The following KCNH7 variants were observed in gnomAD, a reference collection of about 807,000 sequenced individuals.
KCNH7 encodes the protein voltage-gated inwardly rectifying potassium channel KCNH7.
Under a neutral mutation model 120.8 loss-of-function variants are expected in KCNH7, and 49 were observed. The ratio of observed to expected loss-of-function variants is 0.41; its 90% confidence interval spans 0.32 to 0.51. The LOEUF (loss-of-function observed/expected upper bound fraction) is 0.51, where lower values mean the gene tolerates loss of function less well. KCNH7 is among the 20% of genes least tolerant of loss of function. The pLI, the probability that KCNH7 is intolerant of heterozygous loss-of-function variation, is 0.38. For missense variants in KCNH7, 1,097 were observed against 1,446.6 expected (o/e 0.76, Z 3.92); for synonymous variants, 547 against 516.1 (o/e 1.06, Z -0.81).
chr2:162,748,876 C>CCCCT (rs1202806887), intron 2 of KCNH7, among the ~76,000 whole-genome samples: 7 of 76,250 alleles, frequency 9.2e-5, no homozygotes, highest in African/African-American at 3.8e-4. Context: ...CCTCCCCCTT[C>CCCCT]CCCTCCCTCC....
intron 2 of KCNH7, among the ~76,000 whole-genome samples, chr2:162,654,356 C>CAA (rs199647181): frequency 6.7e-6 from 1 of 148,716 alleles, no homozygotes; most frequent in Non-Finnish European, 1.5e-5. Context: ...AGAAATTACT[C>CAA]AAAAAAAAAC....
chr2:162,500,377 T>TTATATAC (rs1282369299), intron 6 of KCNH7, among the ~76,000 whole-genome samples: 1 of 145,342 alleles, frequency 6.9e-6, no homozygotes, highest in Non-Finnish European at 1.5e-5. Context: ...AATGTATATA[T>TTATATAC]TATATATAAT....
chr2:162,422,563 C>A (rs12469119), intron 9 of KCNH7, among the ~76,000 whole-genome samples: 3,121 of 151,950 alleles, frequency 0.021, 211 homozygotes, highest in Admixed American at 0.15. Context: ...GCCTTTAGAG[C>A]CAAATTGCAA....
intron 2 of KCNH7, among the ~76,000 whole-genome samples, chr2:162,726,188 A>G (rs940999156): frequency 1.3e-5 from 2 of 152,000 alleles, no homozygotes; most frequent in East Asian, 1.9e-4. Flanking sequence ...TTCTTTTTAT[A>G]TATTTTAAAC....
intron 2 of KCNH7, among the ~76,000 whole-genome samples, chr2:162,794,640 C>T (rs1214251652): frequency 6.6e-6 from 1 of 151,932 alleles, no homozygotes; most frequent in Non-Finnish European, 1.5e-5. Context: ...AAACCTATTC[C>T]TATTGCTCAT....
chr2:162,420,278 A>G (rs1687660373), intron 9 of KCNH7, among the ~76,000 whole-genome samples: 1 of 152,180 alleles, frequency 6.6e-6, no homozygotes, highest in South Asian at 2.1e-4. Flanking sequence ...CAGGAGGCTG[A>G]GGCAGGAGAA....
At chr2:162,715,655 T>C (rs1687093321) in intron 2 of KCNH7, among the ~76,000 whole-genome samples, 2 of 152,176 alleles carry the variant, frequency 1.3e-5, no homozygotes, top group African/African-American at 4.8e-5. Context: ...ACAGAAGCAG[T>C]GTCTTGGAAA....
intron 2 of KCNH7, among the ~76,000 whole-genome samples, chr2:162,761,713 T>C (rs181595253): frequency 1.8e-4 from 27 of 152,168 alleles, no homozygotes; most frequent in Admixed American, 2.6e-4. Context: ...TCTGGCAATG[T>C]TTACCTATCA....
At chr2:162,779,549 C>A (rs1683397097) in intron 2 of KCNH7, among the ~76,000 whole-genome samples, 1 of 152,178 alleles carries the variant, frequency 6.6e-6, no homozygotes, top group Admixed American at 6.6e-5. Flanking sequence ...ATATTATACT[C>A]TTTCCTATCC....
intron 9 of KCNH7, among the ~76,000 whole-genome samples, chr2:162,408,847 C>G (rs1162445413): frequency 6.6e-6 from 1 of 151,388 alleles, no homozygotes; most frequent in Non-Finnish European, 1.5e-5. Context: ...AAAAGGAGTG[C>G]TTAGAAATTA....
chr2:162,637,664 G>A (rs1405063130), intron 2 of KCNH7, among the ~76,000 whole-genome samples: 5 of 151,988 alleles, frequency 3.3e-5, no homozygotes, highest in African/African-American at 1.2e-4. Context: ...GTCATTCCAT[G>A]ATGTAGACGT....
At chr2:162,686,451 C>G (rs1269885839) in intron 2 of KCNH7, among the ~76,000 whole-genome samples, 1 of 152,110 alleles carries the variant, frequency 6.6e-6, no homozygotes, top group Non-Finnish European at 1.5e-5. Context: ...TATTTATTAT[C>G]AGAGATAACA....
chr2:162,585,154 C>T (rs950500), intron 2 of KCNH7, among the ~76,000 whole-genome samples: 6,654 of 151,916 alleles, frequency 0.044, 289 homozygotes, highest in East Asian at 0.11. Context: ...TTGATGTTTC[C>T]CCTCTCACCT....
At chr2:162,448,532 C>T (rs1161085265) in intron 6 of KCNH7, among the ~76,000 whole-genome samples, 6 of 151,954 alleles carry the variant, frequency 3.9e-5, no homozygotes, top group South Asian at 2.1e-4. Flanking sequence ...ATAAAAAAGG[C>T]GTGTAGTCAA....
chr2:162,753,628 T>C (rs1485457725), intron 2 of KCNH7, among the ~76,000 whole-genome samples: 1 of 152,130 alleles, frequency 6.6e-6, no homozygotes, highest in Non-Finnish European at 1.5e-5. Context: ...GAGTCAGTTC[T>C]GTTGGAACTA....
intron 2 of KCNH7, among the ~76,000 whole-genome samples, chr2:162,748,315 A>G (rs1256578427): frequency 6.6e-6 from 1 of 152,192 alleles, no homozygotes; most frequent in Non-Finnish European, 1.5e-5. Context: ...AGTGATATCC[A>G]GGTTGAATTT....
At position 162,435,118 on chromosome 2, in the gene KCNH7, C is replaced by A; in HGVS notation, c.1954+80G>T. ...CAATTTTCTGTAATCTTTTTCTTTGCCTTACTCTAAATATTGTAGAAATAT... is the reference window on the plus strand; with the variant it reads ...CAATTTTCTGTAATCTTTTTCTTTGACTTACTCTAAATATTGTAGAAATAT... On this transcript the variant is annotated intron_variant, in intron 8 of 15. Coordinates refer to ENST00000332142, the MANE Select transcript of KCNH7 (RefSeq NM_033272.4). 4 of 1,309,594 alleles carry A rather than the reference C, an allele frequency of 3.1e-6. No individual in the cohort carries two copies. The South Asian group carries it at 4.4e-5, about 15-fold the overall frequency. The allele number at this position is 1,309,594 out of a possible 1,614,324, so 81.1% of individuals were successfully genotyped here.
intron 6 of KCNH7, among the ~76,000 whole-genome samples, chr2:162,469,151 T>C (rs1043840312): frequency 1.3e-5 from 2 of 150,766 alleles, no homozygotes; most frequent in South Asian, 4.1e-4. Flanking sequence ...CTTCATTCTT[T>C]GTTATAGTAC....
intron 3 of KCNH7, among the ~76,000 whole-genome samples, chr2:162,523,321 C>T (rs1212687922): frequency 6.6e-6 from 1 of 151,868 alleles, no homozygotes; most frequent in Non-Finnish European, 1.5e-5. Context: ...ACATTGACCT[C>T]CCCTAAGATC....
Sources: gnomAD v4.1 joint callset for allele counts (sites outside exome capture counted in the v4.1 genomes callset) on GRCh38, gnomAD v4.1.1 for gene constraint, MANE v1.5 for transcripts, NCBI Gene and HGNC (gene_info 2026-07-23, HGNC 2026-07-21) for gene names.